Variants in PCF11 observed in about 807,000 individuals in gnomAD.
The protein encoded by PCF11 is PCF11 cleavage and polyadenylation factor subunit.
PCF11 carries 19 observed loss-of-function variants against 166.1 expected under a neutral mutation model. That is an observed-to-expected ratio of 0.11 (90% CI 0.08 to 0.17). The LOEUF (loss-of-function observed/expected upper bound fraction) is 0.17, where lower values mean the gene tolerates loss of function less well. PCF11 is among the 10% of genes least tolerant of loss of function. PCF11 has a pLI of 1.00. For synonymous variants in PCF11, 663 were observed against 644.1 expected, an observed-to-expected ratio of 1.03 and a Z score of -0.44; for missense variants, 1,565 against 1,855.5, an observed-to-expected ratio of 0.84 and a Z score of 2.88.
intron 7 of PCF11, 85 bp from the exon 8 acceptor site, chr11:83,168,343 A>G (rs1054474996): frequency 1.9e-5 from 24 of 1,232,382 alleles, no homozygotes; most frequent in African/African-American, 1.4e-4. Flanking sequence ...GTAGTGAGAT[A>G]GTTATATATT....
chr11:83,169,698 A>G lies in PCF11; in HGVS notation c.3363A>G (p.Ser1121=), dbSNP rs199787789. The change falls in exon 8 of 16, where the codon TCA becomes TCG. Residue 1121 remains serine (S), a synonymous_variant. Transcript: ENST00000298281. ...GCACAAGATTTGACAATCATCCTTC[A>G]CAAAGGCTTGAATCAGTATCTTTCA... is the stretch of plus-strand genomic sequence containing the variant. 1.3e-4 allele frequency: 211 copies of G among 1,613,974 alleles called. 1 individual carries two copies. The East Asian group carries it at 4.6e-3, about 35-fold the overall frequency.
Position 83,167,219 on chromosome 11 carries a change from A to G in PCF11, c.1912A>G (p.Lys638Glu). ...AGGAATTTTATCACCTCGAGCCCCAAAGCAGCAACAGCATCGATTAAGTGT... is the reference window on the plus strand; with the variant it reads ...AGGAATTTTATCACCTCGAGCCCCAGAGCAGCAACAGCATCGATTAAGTGT... The change falls in exon 6 of 16, where the codon AAG becomes GAG. Residue 638 changes from lysine (K) to glutamate (E), a missense_variant. Transcript: ENST00000298281. This position sits in a 1 kb window ranked among gnomAD's most constrained non-coding sequence, Gnocchi z 4.2. 2 of 1,613,836 alleles carry G rather than the reference A, an allele frequency of 1.2e-6. No individual in the cohort carries two copies. Among genetic ancestry groups the G allele is most frequent in the Non-Finnish European group, 1.7e-6 (2 of 1,179,746 alleles).
chr11:83,157,924 TG>T, intron 1 of PCF11: 1 of 368,936 alleles, frequency 2.7e-6, no homozygotes. Context: ...CCCTTTGGGG[TG>T]GGGGAGACTT....
intron 9 of PCF11, among the ~76,000 whole-genome samples, chr11:83,176,145 G>A (rs933783207): frequency 1.7e-4 from 26 of 152,214 alleles, no homozygotes; most frequent in Admixed American, 3.3e-4. Flanking sequence ...TAGAAGATGA[G>A]GAAGAGAGAT....
At chr11:83,162,735 TCCCA>T in intron 2 of PCF11, among the ~76,000 whole-genome samples, 1 of 152,232 alleles carries the variant, frequency 6.6e-6, no homozygotes, top group Non-Finnish European at 1.5e-5. Flanking sequence ...AACTCAGTTT[TCCCA>T]AGTCCTAGGT....
At chr11:83,183,221 A>C in intron 15 of PCF11, 148 bp downstream of exon 15, 1 of 509,304 alleles carries the variant, frequency 2.0e-6, no homozygotes, top group Non-Finnish European at 3.5e-6. Context: ...TAGGTTGTTC[A>C]GTAAAAACTG....
chr11:83,166,894 T>G (rs1486726722), intron 5 of PCF11, among the ~76,000 whole-genome samples, 180 bp downstream of exon 5: 2 of 152,210 alleles, frequency 1.3e-5, no homozygotes, highest in East Asian at 1.9e-4. Context: ...AAACTGAAGT[T>G]TAGAAAGGTT....
chr11:83,169,917 T>C (rs1223192297), exon 8 of PCF11: 1 of 1,609,078 alleles, frequency 6.2e-7, no homozygotes, highest in Admixed American at 1.7e-5. Flanking sequence ...ATGAAAAAAA[T>C]CTTCAGAGTT....
chr11:83,182,908 C>A, intron 14 of PCF11, 130 bp from the exon 15 acceptor site: 1 of 670,802 alleles, frequency 1.5e-6, no homozygotes, highest in Non-Finnish European at 2.6e-6. Flanking sequence ...TTGGTTTTAT[C>A]CATTTTGGGA....
intron 2 of PCF11, among the ~76,000 whole-genome samples, chr11:83,162,163 C>T (rs912395654): frequency 6.6e-6 from 1 of 152,190 alleles, no homozygotes; most frequent in Non-Finnish European, 1.5e-5. Context: ...AGGTAATTCT[C>T]TGCCTGTCAG....
chr11:83,177,272 T>C (rs1310842998), intron 10 of PCF11, 68 bp downstream of exon 10: 2 of 1,200,326 alleles, frequency 1.7e-6, no homozygotes, highest in South Asian at 1.8e-5. Flanking sequence ...TGATGTAATA[T>C]AATGATATAA....
In PCF11 at chr11:83,167,627, G is replaced by A. The variant is rs1162425205; in HGVS notation, c.2092+122G>A. 2 of 1,536,016 alleles carry A rather than the reference G, an allele frequency of 1.3e-6. No homozygotes were observed. Among genetic ancestry groups the A allele is most frequent in the Non-Finnish European group, 1.7e-6 (2 of 1,144,180 alleles). On this transcript the variant is annotated intron_variant, in intron 7 of 15. Transcript: ENST00000298281. This position sits in a 1 kb window ranked among gnomAD's most constrained non-coding sequence, Gnocchi z 4.2. ...ATGAACATAAAGCAAAACTGAAAAG[G>A]ACACAGGTTCAGCATTCATTTCCAA... is the stretch of plus-strand genomic sequence containing the variant.
chr11:83,163,984 T>C, intron 3 of PCF11, 117 bp downstream of exon 3: 1 of 591,464 alleles, frequency 1.7e-6, no homozygotes, highest in South Asian at 3.1e-5. Context: ...TTGGTTCAAT[T>C]TGAAAAAAAA....
chr11:83,157,311 C>G, exon 1 of PCF11: 1 of 761,704 alleles, frequency 1.3e-6, no homozygotes, highest in African/African-American at 1.8e-5. Context: ...CCCCCCTCCG[C>G]GGTCAGCATG....
At chr11:83,169,012 G>C (rs1246291719) in exon 8 of PCF11, 1 of 1,613,700 alleles carries the variant, frequency 6.2e-7, no homozygotes, top group African/African-American at 1.3e-5. Context: ...AAGGTTTGAG[G>C]GACCTCATGG....
intron 5 of PCF11, 39 bp downstream of exon 5, chr11:83,166,753 T>C (rs757410085): frequency 6.7e-7 from 1 of 1,499,476 alleles, no homozygotes; most frequent in Admixed American, 2.3e-5. Context: ...TAGTAGTGTA[T>C]ATGTTTCAAA....
chr11:83,166,604 T>C (rs767000989), exon 5 of PCF11: 3 of 1,613,768 alleles, frequency 1.9e-6, no homozygotes, highest in African/African-American at 1.3e-5. Flanking sequence ...CACAAGAAAC[T>C]ACAAATCAGC....
rs984098655 is a variant in PCF11 at position 83,182,341 on chromosome 11, T to G, written c.4324-58T>G. ...CTTAACAGTGTTTGTATATTTTTAC[T>G]TAATGGGGTTAAATATGGTCTATTA... On this transcript the variant is annotated intron_variant, in intron 13 of 15. Transcript: ENST00000298281. The G allele has an allele frequency of 2.9e-5, 26 of 885,266 alleles. No individual in the cohort carries two copies. In the African/African-American group the frequency reaches 4.4e-4, roughly 15 times the overall value. 54.8% of individuals were successfully genotyped at this position (885,266 alleles called of 1,614,324 possible). A position where few individuals can be genotyped will look rare whatever the true frequency, so the allele number is the denominator to read the frequency against.
chr11:83,165,913 A>T (rs1211147035), exon 5 of PCF11: 1 of 1,608,490 alleles, frequency 6.2e-7, no homozygotes, highest in Admixed American at 1.7e-5. Flanking sequence ...GAAAAACTAA[A>T]TTCATCCAAG....
Sources: allele counts gnomAD v4.1 joint callset (sites outside exome capture counted in the v4.1 genomes callset), GRCh38; gene constraint gnomAD v4.1.1; non-coding constraint Gnocchi (gnomAD v3.1); transcripts MANE v1.5; gene names NCBI Gene and HGNC (gene_info 2026-07-23, HGNC 2026-07-21).